The following NT5C2 variants were observed in gnomAD, a reference collection of about 807,000 sequenced individuals.
The protein encoded by NT5C2 is cytosolic purine 5'-nucleotidase.
A neutral mutation model predicts 76.1 loss-of-function variants in NT5C2; 58 were observed. The observed-to-expected ratio is 0.76, with a 90% CI of 0.62 to 0.95. The LOEUF (loss-of-function observed/expected upper bound fraction) is 0.95, where lower values mean the gene tolerates loss of function less well. NT5C2 is among the 40% of genes least tolerant of loss of function. The pLI is 0.00. For missense variants in NT5C2, 478 were observed against 690.3 expected, an observed-to-expected ratio of 0.69 and a Z score of 3.45; for synonymous variants, 229 against 237.4, an observed-to-expected ratio of 0.96 and a Z score of 0.32.
rs184885779 is a variant in NT5C2, at chr10:103,116,822, G to A, written c.176-10116C>T. On this transcript the variant is annotated intron_variant, in intron 4 of 18. Transcript: ENST00000404739. Reference sequence around the variant, plus strand: ...ACTCCTGGCCTTAAGTGATCCTCTCGCCTTGGCTGCCCAAAGCACTGCAAT... The same window carrying A: ...ACTCCTGGCCTTAAGTGATCCTCTCACCTTGGCTGCCCAAAGCACTGCAAT... 9.3e-5 allele frequency among the ~76,000 whole-genome samples: 14 copies of A among 151,144 alleles called. 1 individual carries two copies. In the South Asian group the frequency reaches 1.5e-3, roughly 16 times the overall value.
chr10:103,117,186 A>G (rs1591009078), intron 4 of NT5C2, among the ~76,000 whole-genome samples: 1 of 152,392 alleles, frequency 6.6e-6, no homozygotes, highest in South Asian at 2.1e-4. Context: ...TTGCTCCAAA[A>G]TAAGCTGTCT....
intron 3 of NT5C2, chr10:103,169,184 A>G (rs888042885): frequency 2.6e-5 from 4 of 152,200 alleles, no homozygotes; most frequent in Non-Finnish European, 4.4e-5. Flanking sequence ...TATGCATGTT[A>G]ATTGGCTTGA....
chr10:103,171,711 T>G (rs2088057701), intron 3 of NT5C2, among the ~76,000 whole-genome samples: 1 of 152,152 alleles, frequency 6.6e-6, no homozygotes, highest in African/African-American at 2.4e-5. Flanking sequence ...CTACTTAAGA[T>G]TTAGGTAGAA....
At chr10:103,107,412 T>C (rs183418668) in intron 4 of NT5C2, among the ~76,000 whole-genome samples, 3 of 152,270 alleles carry the variant, frequency 2.0e-5, no homozygotes, top group East Asian at 1.9e-4. Context: ...TGGTGGCTCA[T>C]GCCTGTAGTT....
intron 4 of NT5C2, among the ~76,000 whole-genome samples, chr10:103,119,383 G>C (rs551153426): frequency 6.6e-6 from 1 of 152,196 alleles, no homozygotes; most frequent in Non-Finnish European, 1.5e-5. Flanking sequence ...AAAAAAGTCA[G>C]AGGGTATATA....
intron 15 of NT5C2, among the ~76,000 whole-genome samples, chr10:103,092,230 C>T (rs2067114760): frequency 6.6e-6 from 1 of 152,178 alleles, no homozygotes. Context: ...CTTCTATCTA[C>T]CATCTTTAGG....
At position 103,089,260 on chromosome 10, in the gene NT5C2, G is replaced by C. The variant is rs1004873485; in HGVS notation, c.*412C>G. On this transcript the variant is annotated 3_prime_UTR_variant, in exon 19 of 19. Coordinates refer to ENST00000404739, the MANE Select transcript of NT5C2 (RefSeq NM_001351169.2). Reference sequence around the variant, plus strand: ...CAATACCATGTAATGCACTGGAAAAGTTGGACCTTGGAGTAATAGCACAAT... The same window carrying C: ...CAATACCATGTAATGCACTGGAAAACTTGGACCTTGGAGTAATAGCACAAT... 5.4e-5 allele frequency: 12 copies of C among 223,832 alleles called. No homozygotes were observed. The highest frequency in any genetic ancestry group is 5.1e-4 in the Admixed American group (9 of 17,778). 13.9% of individuals were successfully genotyped at this position (223,832 alleles called of 1,614,324 possible).
At position 103,093,276 on chromosome 10, in the gene NT5C2, G is replaced by T; in HGVS notation, c.1022C>A (p.Ala341Asp). The change falls in exon 15 of 19, where the codon GCC (alanine) becomes GAC (aspartate). Residue 341 changes from alanine to aspartate, a missense_variant. By Grantham distance (126) the Ala-to-Asp change is moderately radical. Transcript: ENST00000404739. The stretch of plus-strand genomic sequence containing the variant: ...AATATACAAAATGTCTTTTCCCTTG[G>T]CTCCCAACAGGTCACAGATCGTATC... ...SSDTICDLLG[A>D]KGKDILYIGD... 1 of 1,605,740 alleles carries T rather than the reference G, an allele frequency of 6.2e-7. No individual in the cohort carries two copies. Among genetic ancestry groups the T allele is most frequent in the South Asian group, 1.1e-5 (1 of 88,736 alleles).
At chr10:103,097,570 GTGTA>G (rs1261732109) in intron 10 of NT5C2, among the ~76,000 whole-genome samples, 196 bp from the exon 11 acceptor site, 1 of 152,192 alleles carries the variant, frequency 6.6e-6, no homozygotes, top group Non-Finnish European at 1.5e-5. Flanking sequence ...AGTATACACA[GTGTA>G]TGTAATAGAT....
intron 4 of NT5C2, among the ~76,000 whole-genome samples, chr10:103,120,434 G>A (rs1007143090): frequency 1.3e-4 from 20 of 152,182 alleles, no homozygotes; most frequent in African/African-American, 4.8e-4. Context: ...TATGCAGAAT[G>A]TGTAACTCCA....
chr10:103,111,724 G>A, intron 4 of NT5C2: 1 of 1,230,384 alleles, frequency 8.1e-7, no homozygotes, highest in South Asian at 4.1e-5. Flanking sequence ...GCAGAGTGCT[G>A]CTGCCAAAAT....
At chr10:103,112,365 C>T (rs2073234842) in intron 4 of NT5C2, among the ~76,000 whole-genome samples, 1 of 152,040 alleles carries the variant, frequency 6.6e-6, no homozygotes, top group Non-Finnish European at 1.5e-5. Context: ...ATCAACTGCA[C>T]ACTGCTAAAA....
At chr10:103,143,097 T>C (rs1368922965) in intron 3 of NT5C2, among the ~76,000 whole-genome samples, 1 of 152,182 alleles carries the variant, frequency 6.6e-6, no homozygotes, top group Non-Finnish European at 1.5e-5. Flanking sequence ...CTCAGCTTGG[T>C]AGCCAAAGTT....
intron 3 of NT5C2, among the ~76,000 whole-genome samples, chr10:103,156,846 A>G (rs757795114): frequency 1.4e-4 from 21 of 151,802 alleles, no homozygotes; most frequent in Non-Finnish European, 2.5e-4. Context: ...TCACGAGGTC[A>G]GGAGATGGAG....
At chr10:103,154,434 AT>A (rs2082963198) in intron 3 of NT5C2, among the ~76,000 whole-genome samples, 1 of 152,182 alleles carries the variant, frequency 6.6e-6, no homozygotes, top group Non-Finnish European at 1.5e-5. Context: ...GGTAGAAAAA[AT>A]AAAAAAGAAA....
intron 3 of NT5C2, among the ~76,000 whole-genome samples, chr10:103,146,775 A>T (rs892156027): frequency 6.6e-6 from 1 of 152,170 alleles, no homozygotes; most frequent in Non-Finnish European, 1.5e-5. Context: ...CTTCCATTCA[A>T]TTCACAGTGC....
chr10:103,184,554 G>A (rs1425702609), intron 1 of NT5C2, among the ~76,000 whole-genome samples: 2 of 152,142 alleles, frequency 1.3e-5, no homozygotes, highest in African/African-American at 4.8e-5. Flanking sequence ...ATTTGCTGCT[G>A]TATCCCCAGC....
chr10:103,141,337 G>A (rs1311865642), intron 3 of NT5C2, among the ~76,000 whole-genome samples: 2 of 151,990 alleles, frequency 1.3e-5, no homozygotes, highest in South Asian at 2.1e-4. Context: ...GTGCACCTGT[G>A]GTCCCAGCTA....
chr10:103,184,625 G>A (rs1240692194), intron 1 of NT5C2, among the ~76,000 whole-genome samples: 1 of 152,214 alleles, frequency 6.6e-6, no homozygotes, highest in Non-Finnish European at 1.5e-5. Flanking sequence ...TACACATGGA[G>A]CCCTTTGCTT....
Sources: gnomAD v4.1 joint callset for allele counts (sites outside exome capture counted in the v4.1 genomes callset) on GRCh38, gnomAD v4.1.1 for gene constraint, MANE v1.5 for transcripts, NCBI Gene and HGNC (gene_info 2026-07-23, HGNC 2026-07-21) for gene names.